Variants in HCN1 observed in about 807,000 individuals in gnomAD.
HCN1 encodes the protein potassium/sodium hyperpolarization-activated cyclic nucleotide-gated channel 1.
In HCN1, 13 loss-of-function variants were observed where a neutral mutation model predicts 78.9. That is an observed-to-expected ratio of 0.16 (90% CI 0.11 to 0.26). HCN1 has a LOEUF of 0.26. Ranked by LOEUF, HCN1 falls within the 10% of genes least tolerant of loss-of-function variation. The pLI, the probability that HCN1 is intolerant of heterozygous loss-of-function variation, is 1.00. For missense variants in HCN1, 810 were observed against 1,154.3 expected, an observed-to-expected ratio of 0.70 and a Z score of 4.32; for synonymous variants, 552 against 455.5, an observed-to-expected ratio of 1.21 and a Z score of -2.70.
chr5:45,267,001 T>TC, intron 7 of HCN1, 88 bp downstream of exon 7: 1 of 1,118,216 alleles, frequency 8.9e-7, no homozygotes, highest in Admixed American at 1.7e-5. Flanking sequence ...GAGTCACCAC[T>TC]CCCCACTGCA....
intron 4 of HCN1, among the ~76,000 whole-genome samples, chr5:45,361,758 C>T (rs1017756068): frequency 6.6e-6 from 1 of 152,110 alleles, no homozygotes; most frequent in Non-Finnish European, 1.5e-5. Flanking sequence ...GTTTACACTA[C>T]ATAGGTTTTC....
chr5:45,549,719 A>C (rs572909022), intron 2 of HCN1, among the ~76,000 whole-genome samples: 4,936 of 152,230 alleles, frequency 0.032, 253 homozygotes, highest in African/African-American at 0.11. Context: ...CAACCTACAG[A>C]ATGGGAGAAA....
intron 2 of HCN1, among the ~76,000 whole-genome samples, chr5:45,513,466 A>G (rs889888988): frequency 2.0e-5 from 3 of 152,168 alleles, no homozygotes; most frequent in African/African-American, 7.2e-5. Flanking sequence ...GGTATAAACC[A>G]TCAAAGCCAG....
At chr5:45,325,924 T>C (rs1457821947) in intron 5 of HCN1, among the ~76,000 whole-genome samples, 1 of 151,552 alleles carries the variant, frequency 6.6e-6, no homozygotes, top group East Asian at 1.9e-4. Context: ...ATGTATTAAA[T>C]TACAGGGGTA....
chr5:45,647,275 T>C (rs564572320), intron 1 of HCN1, among the ~76,000 whole-genome samples: 15 of 152,226 alleles, frequency 9.9e-5, no homozygotes, highest in African/African-American at 3.4e-4. Flanking sequence ...ACAATGGAAA[T>C]GCAAAATATA....
intron 5 of HCN1, among the ~76,000 whole-genome samples, chr5:45,330,788 T>C (rs554996133): frequency 1.3e-5 from 2 of 151,142 alleles, no homozygotes; most frequent in South Asian, 4.1e-4. Context: ...TAATGCATAC[T>C]CATTCATTTA....
chr5:45,372,538 TA>T (rs1175664840), intron 4 of HCN1, among the ~76,000 whole-genome samples: 2 of 126,048 alleles, frequency 1.6e-5, no homozygotes, highest in African/African-American at 6.0e-5. Flanking sequence ...ATAAAACATT[TA>T]CATATAAAAA....
At chr5:45,687,313 T>A (rs970917146) in intron 1 of HCN1, among the ~76,000 whole-genome samples, 1 of 152,142 alleles carries the variant, frequency 6.6e-6, no homozygotes, top group African/African-American at 2.4e-5. Flanking sequence ...ATCTGGAAAA[T>A]TTTATCAAAA....
At chr5:45,484,359 G>A (rs570802344) in intron 2 of HCN1, among the ~76,000 whole-genome samples, 50 of 152,156 alleles carry the variant, frequency 3.3e-4, no homozygotes, top group Admixed American at 3.1e-3. Flanking sequence ...GTGTGAACCC[G>A]GGAGGTGGAG....
At chr5:45,450,100 G>A (rs1740887895) in intron 3 of HCN1, among the ~76,000 whole-genome samples, 1 of 152,130 alleles carries the variant, frequency 6.6e-6, no homozygotes, top group African/African-American at 2.4e-5. Flanking sequence ...CAAAATGCTG[G>A]GATTACAGGC....
intron 1 of HCN1, among the ~76,000 whole-genome samples, chr5:45,665,036 T>C (rs927943654): frequency 6.6e-6 from 1 of 151,332 alleles, no homozygotes; most frequent in African/African-American, 2.4e-5. Context: ...TAGCAAAGAC[T>C]TGGAACCAAC....
rs560839531 is a variant in HCN1, at chr5:45,337,817, C to G, written c.1377+15283G>C. On this transcript the variant is annotated intron_variant, in intron 5 of 7. Transcript: ENST00000303230. ...CAGGGAAGGCCTCTTCAGGAGATAA[C>G]ATTTGTATTGAGATTTGAACAATAA... Among the ~76,000 whole-genome samples, 5 of 152,194 alleles carry G rather than the reference C, an allele frequency of 3.3e-5. No individual in the cohort carries two copies. In the South Asian group the frequency reaches 1.0e-3, roughly 32 times the overall value.
intron 2 of HCN1, among the ~76,000 whole-genome samples, chr5:45,523,248 C>A (rs914923207): frequency 1.3e-5 from 2 of 151,826 alleles, no homozygotes; most frequent in Non-Finnish European, 2.9e-5. Context: ...TTTCTTAATC[C>A]AGTATATCAT....
At chr5:45,409,136 A>T (rs1739980865) in intron 3 of HCN1, among the ~76,000 whole-genome samples, 1 of 152,086 alleles carries the variant, frequency 6.6e-6, no homozygotes, top group African/African-American at 2.4e-5. Context: ...ATGATAATTA[A>T]ACAAGAGACT....
intron 2 of HCN1, among the ~76,000 whole-genome samples, chr5:45,507,696 T>A (rs1181884312): frequency 6.6e-6 from 1 of 152,100 alleles, no homozygotes; most frequent in Non-Finnish European, 1.5e-5. Context: ...AATATCAAAT[T>A]ATGAAAATAA....
At chr5:45,557,336 C>A (rs1743491587) in intron 2 of HCN1, among the ~76,000 whole-genome samples, 1 of 152,078 alleles carries the variant, frequency 6.6e-6, no homozygotes, top group South Asian at 2.1e-4. Flanking sequence ...GAAACAACTG[C>A]AGCTTTTACA....
At chr5:45,306,708 G>T (rs1423690873) in intron 5 of HCN1, among the ~76,000 whole-genome samples, 1 of 151,980 alleles carries the variant, frequency 6.6e-6, no homozygotes, top group East Asian at 1.9e-4. Flanking sequence ...TTTCCTTAGG[G>T]CACATTGAGG....
At chr5:45,659,597 A>G (rs920578877) in intron 1 of HCN1, among the ~76,000 whole-genome samples, 7 of 146,792 alleles carry the variant, frequency 4.8e-5, no homozygotes, top group Non-Finnish European at 1.0e-4. Context: ...ACCAATACAG[A>G]GAAGTGCTTA....
chr5:45,495,543 C>A (rs1166848744), intron 2 of HCN1, among the ~76,000 whole-genome samples: 2 of 152,136 alleles, frequency 1.3e-5, no homozygotes, highest in African/African-American at 2.4e-5. Flanking sequence ...ACGTCGTCTG[C>A]AAAGAGGGAC....
Sources: gnomAD v4.1 joint callset for allele counts (sites outside exome capture counted in the v4.1 genomes callset) on GRCh38, gnomAD v4.1.1 for gene constraint, MANE v1.5 for transcripts, NCBI Gene and HGNC (gene_info 2026-07-23, HGNC 2026-07-21) for gene names.